BRI3: variants seen among roughly 807,000 people sequenced by gnomAD.
BRI3 encodes the protein brain protein I3, also known as membrane protein BRI3.
A neutral mutation model predicts 12.8 loss-of-function variants in BRI3; 6 were observed. The observed-to-expected ratio is 0.47, with a 90% CI of 0.26 to 0.93. BRI3 has a LOEUF of 0.93. Among genes scored for constraint, BRI3 ranks in the 40% least tolerant of loss-of-function variants. The probability of loss-of-function intolerance (pLI) is 0.15; values close to 1 mark genes in which losing one functional copy is unlikely to be tolerated. For missense variants in BRI3, 134 were observed against 171.1 expected, an observed-to-expected ratio of 0.78 and a Z score of 1.21; for synonymous variants, 91 against 76.1, an observed-to-expected ratio of 1.20 and a Z score of -1.02.
chr7:98,315,702 C>T, the BRI3 span: 1 of 567,262 alleles, frequency 1.8e-6, no homozygotes, highest in Non-Finnish European at 2.6e-6. Context: ...CTTCTGCCAT[C>T]TTTACACCTG....
chr7:98,319,394 A>G, the BRI3 span, among the ~76,000 whole-genome samples: 6 of 152,178 alleles, frequency 3.9e-5, no homozygotes, highest in African/African-American at 1.4e-4. Flanking sequence ...TCTCCCGCAC[A>G]CCACCCACAG....
At chr7:98,309,677 C>T (rs1800798707) in exon 2 of BRI3, 1 of 152,250 alleles carries the variant, frequency 6.6e-6, no homozygotes, top group Non-Finnish European at 1.5e-5. Flanking sequence ...CGCTGTGGTC[C>T]AGGGCTCTCT....
chr7:98,282,021 G>T, intron 1 of BRI3, 84 bp downstream of exon 1: 1 of 1,303,238 alleles, frequency 7.7e-7, no homozygotes, highest in Admixed American at 3.8e-5. Context: ...GGCGGGTGGG[G>T]CCCGCCCGGG....
intron 2 of BRI3, among the ~76,000 whole-genome samples, chr7:98,287,738 CGCGAGCAGCA>C (rs2116722216): frequency 6.6e-6 from 1 of 152,298 alleles, no homozygotes; most frequent in South Asian, 2.1e-4. Context: ...GGGTCCCAGG[CGCGAGCAGCA>C]GCTGCAGGTG....
chr7:98,291,633 C>T (rs979000517), downstream of BRI3: 3 of 523,776 alleles, frequency 5.7e-6, no homozygotes, highest in South Asian at 2.0e-4. Flanking sequence ...TCAGCAGGCG[C>T]TTACAGCTCA....
upstream of BRI3, among the ~76,000 whole-genome samples, chr7:98,303,370 C>G (rs545793068): frequency 6.6e-6 from 1 of 152,272 alleles, no homozygotes; most frequent in Non-Finnish European, 1.5e-5. Context: ...ACACCACCAC[C>G]CAGCCTCCTC....
intron 1 of BRI3, 124 bp from the exon 2 acceptor site, chr7:98,282,227 C>T: frequency 1.1e-6 from 1 of 930,634 alleles, no homozygotes; most frequent in South Asian, 1.6e-5. Context: ...GGTGGCCGTC[C>T]CGAGGGTGGA....
At chr7:98,288,741 T>TCCAA (rs1364179322) in intron 2 of BRI3, among the ~76,000 whole-genome samples, 3 of 151,886 alleles carry the variant, frequency 2.0e-5, no homozygotes, top group Middle Eastern at 3.2e-3. Context: ...ATCCCCCTTT[T>TCCAA]CCAAATGCAT....
At chr7:98,284,171 G>T (rs957165718) in intron 2 of BRI3, among the ~76,000 whole-genome samples, 8 of 152,212 alleles carry the variant, frequency 5.3e-5, no homozygotes, top group African/African-American at 1.7e-4. Flanking sequence ...ACCAGGCAGG[G>T]TGGAGGCTGG....
chr7:98,321,586 C>T, the BRI3 span, among the ~76,000 whole-genome samples: 4 of 152,200 alleles, frequency 2.6e-5, no homozygotes, highest in Admixed American at 2.6e-4. Context: ...CGCCAGCTCT[C>T]TGCCACCTTT....
chr7:98,281,745 G>A lies in BRI3; in HGVS notation c.-51G>A. On this transcript the variant is annotated 5_prime_UTR_variant, in exon 1 of 3. Coordinates refer to ENST00000297290, the MANE Select transcript of BRI3 (RefSeq NM_015379.5). Reference sequence around the variant, plus strand: ...CGCCGCCGCCGCCGCGTCCCCCGCCGGGGCCGACCGAGCCGAGCCGGGCCG... The same window carrying A: ...CGCCGCCGCCGCCGCGTCCCCCGCCAGGGCCGACCGAGCCGAGCCGGGCCG... 3.2e-6 allele frequency: 3 copies of A among 939,856 alleles called. No homozygotes were observed. The highest frequency in any genetic ancestry group is 9.6e-5 in the South Asian group (2 of 20,888). The allele number at this position is 939,856 out of a possible 1,614,324, so 58.2% of individuals were successfully genotyped here. A position where few individuals can be genotyped will look rare whatever the true frequency, so the allele number is the denominator to read the frequency against.
chr7:98,297,400 C>T (rs879812433), downstream of BRI3, among the ~76,000 whole-genome samples: 190 of 152,288 alleles, frequency 1.2e-3, 1 homozygote, highest in Admixed American at 2.9e-3. Flanking sequence ...CACTTTTTCC[C>T]TTGGGCTGCA....
At chr7:98,282,261 G>T in intron 1 of BRI3, 90 bp from the exon 2 acceptor site, 1 of 1,146,952 alleles carries the variant, frequency 8.7e-7, no homozygotes, top group East Asian at 2.5e-5. Context: ...TTTTTTAGCG[G>T]GGTGGAGGTT....
intron 2 of BRI3, among the ~76,000 whole-genome samples, chr7:98,288,782 G>C (rs1799796883): frequency 7.7e-6 from 1 of 129,124 alleles, no homozygotes; most frequent in African/African-American, 2.6e-5. Context: ...TTAAATTTTT[G>C]TAGGGAGGGG....
chr7:98,315,636 A>ATAATAC, the BRI3 span: 1 of 1,091,534 alleles, frequency 9.2e-7, no homozygotes, highest in Non-Finnish European at 1.2e-6. Flanking sequence ...AATAATAATA[A>ATAATAC]TAATAATTAT....
At chr7:98,282,540 G>T in intron 2 of BRI3, 87 bp downstream of exon 2, 1 of 1,127,680 alleles carries the variant, frequency 8.9e-7, no homozygotes, top group Admixed American at 2.0e-5. Context: ...TCTGCTTGTG[G>T]GAGTGGGTCC....
chr7:98,312,571 G>A (rs1192751331), downstream of BRI3, among the ~76,000 whole-genome samples: 2 of 152,176 alleles, frequency 1.3e-5, no homozygotes, highest in African/African-American at 4.8e-5. Flanking sequence ...GAGGGAGGGA[G>A]CAATCTGTAT....
upstream of BRI3, among the ~76,000 whole-genome samples, chr7:98,303,016 C>T (rs1305431398): frequency 6.6e-6 from 1 of 152,174 alleles, no homozygotes; most frequent in African/African-American, 2.4e-5. Flanking sequence ...AACTCCTGGG[C>T]TCAAGTGATC....
downstream of BRI3, among the ~76,000 whole-genome samples, chr7:98,297,382 C>A (rs1009245523): frequency 6.6e-6 from 1 of 152,178 alleles, no homozygotes; most frequent in Non-Finnish European, 1.5e-5. Context: ...GCTCGGAGCA[C>A]CGAGCACCAC....
Sources: gnomAD v4.1 joint callset for allele counts (sites outside exome capture counted in the v4.1 genomes callset) on GRCh38, gnomAD v4.1.1 for gene constraint, MANE v1.5 for transcripts, NCBI Gene and HGNC (gene_info 2026-07-23, HGNC 2026-07-21) for gene names.